The following DSCAML1 variants were observed in gnomAD, a reference collection of about 807,000 sequenced individuals.
The protein encoded by DSCAML1 is DS cell adhesion molecule like 1.
DSCAML1 carries 38 observed loss-of-function variants against 200.5 expected under a neutral mutation model. The observed-to-expected ratio is 0.19, with a 90% CI of 0.15 to 0.25. DSCAML1 has a LOEUF of 0.25. Ranked by LOEUF, DSCAML1 falls within the 10% of genes least tolerant of loss-of-function variation. The pLI is 1.00. For synonymous variants in DSCAML1, 1,215 were observed against 1,165.0 expected (o/e 1.04, Z -0.87); for missense variants, 2,223 against 2,858.8 (o/e 0.78, Z 5.07).
At chr11:117,700,371 A>T (rs2053646009) in intron 3 of DSCAML1, among the ~76,000 whole-genome samples, 1 of 152,132 alleles carries the variant, frequency 6.6e-6, no homozygotes, top group South Asian at 2.1e-4. Context: ...ACCACACCAC[A>T]TCACATCCTA....
At chr11:117,737,546 C>G (rs1013274567) in intron 3 of DSCAML1, among the ~76,000 whole-genome samples, 1 of 152,194 alleles carries the variant, frequency 6.6e-6, no homozygotes, top group Non-Finnish European at 1.5e-5. Flanking sequence ...CTACAGAGCA[C>G]CAACATGCTG....
At chr11:117,545,292 G>A (rs2050352055) in intron 3 of DSCAML1, among the ~76,000 whole-genome samples, 1 of 151,412 alleles carries the variant, frequency 6.6e-6, no homozygotes, top group African/African-American at 2.4e-5. Context: ...ACAGAGAAAA[G>A]GCCATGTGAG....
intron 1 of DSCAML1, among the ~76,000 whole-genome samples, chr11:117,783,222 GC>G (rs1476969294): frequency 1.3e-5 from 2 of 152,180 alleles, no homozygotes; most frequent in Non-Finnish European, 2.9e-5. Flanking sequence ...GGTCCTGGGT[GC>G]CTCCTGAGAA....
intron 8 of DSCAML1, among the ~76,000 whole-genome samples, chr11:117,512,783 A>C (rs1477814278): frequency 2.0e-5 from 3 of 149,418 alleles, no homozygotes; most frequent in African/African-American, 7.4e-5. Context: ...ACACACACAC[A>C]CACACACACA....
At chr11:117,547,151 C>T (rs1360200101) in intron 3 of DSCAML1, among the ~76,000 whole-genome samples, 1 of 152,120 alleles carries the variant, frequency 6.6e-6, no homozygotes, top group African/African-American at 2.4e-5. Flanking sequence ...TCTTTATTCC[C>T]GGCCCTCGTC....
At chr11:117,786,498 C>T (rs1234274527) in intron 1 of DSCAML1, among the ~76,000 whole-genome samples, 1 of 152,168 alleles carries the variant, frequency 6.6e-6, no homozygotes, top group Non-Finnish European at 1.5e-5. Context: ...ACTCGCTCGC[C>T]CTCCACCGCT....
Position 117,766,372 on chromosome 11 carries a change from C to A in DSCAML1, c.511+10419G>T, listed in dbSNP as rs143248677. Among the ~76,000 whole-genome samples the A allele has an allele frequency of 4.5e-3, 682 of 152,292 alleles. 2 individuals carry two copies. The highest frequency in any genetic ancestry group is 0.016 in the African/African-American group (657 of 41,546). On this transcript the variant is annotated intron_variant, in intron 3 of 32. Transcript: ENST00000651296. ...TGCATGTTTGCGATGAGATTGAGAACTAAAGCAAGATTGATTTTGATGTGA... is the reference window on the plus strand; with the variant it reads ...TGCATGTTTGCGATGAGATTGAGAAATAAAGCAAGATTGATTTTGATGTGA...
At chr11:117,464,711 GAGCA>G (rs2048545124) in intron 17 of DSCAML1, among the ~76,000 whole-genome samples, 1 of 152,200 alleles carries the variant, frequency 6.6e-6, no homozygotes, top group South Asian at 2.1e-4. Context: ...GAGACCGGAT[GAGCA>G]CAGCATCGGT....
chr11:117,553,735 CA>C (rs959259138), intron 3 of DSCAML1, among the ~76,000 whole-genome samples: 11 of 152,048 alleles, frequency 7.2e-5, no homozygotes, highest in East Asian at 1.9e-4. Context: ...GATGGCTCCT[CA>C]AAAAAAATGA....
intron 3 of DSCAML1, among the ~76,000 whole-genome samples, chr11:117,753,457 A>G (rs1271018650): frequency 1.3e-5 from 2 of 152,176 alleles, no homozygotes; most frequent in Non-Finnish European, 1.5e-5. Flanking sequence ...AACCTGTGCT[A>G]TAAGTGTTGT....
intron 3 of DSCAML1, among the ~76,000 whole-genome samples, chr11:117,603,174 C>G (rs556862004): frequency 6.6e-6 from 1 of 152,342 alleles, no homozygotes; most frequent in Admixed American, 6.5e-5. Context: ...GGAACTGACA[C>G]AGAGTCTCCC....
At chr11:117,482,672 G>A (rs539241038) in intron 11 of DSCAML1, among the ~76,000 whole-genome samples, 30 of 152,130 alleles carry the variant, frequency 2.0e-4, no homozygotes, top group Non-Finnish European at 3.2e-4. Context: ...GAGCATATCC[G>A]AGGATTTCTG....
chr11:117,740,506 T>C (rs963157907), intron 3 of DSCAML1, among the ~76,000 whole-genome samples: 1 of 152,168 alleles, frequency 6.6e-6, no homozygotes, highest in Non-Finnish European at 1.5e-5. Flanking sequence ...TGTCTCACAC[T>C]GAAAGTCTTC....
intron 3 of DSCAML1, among the ~76,000 whole-genome samples, chr11:117,735,038 C>A (rs552487625): frequency 1.4e-3 from 213 of 152,288 alleles, no homozygotes; most frequent in African/African-American, 4.7e-3. Context: ...GAGAGTCCCT[C>A]ACAGCCCTTG....
At chr11:117,450,128 G>T in intron 20 of DSCAML1, among the ~76,000 whole-genome samples, 1 of 152,318 alleles carries the variant, frequency 6.6e-6, no homozygotes, top group South Asian at 2.1e-4. Context: ...ATGTGGAGGC[G>T]CTTATGCAGG....
intron 3 of DSCAML1, among the ~76,000 whole-genome samples, chr11:117,717,975 T>C (rs892122927): frequency 4.6e-5 from 7 of 152,090 alleles, no homozygotes; most frequent in Non-Finnish European, 7.4e-5. Flanking sequence ...GGCATTTACA[T>C]AGCAAACAAC....
intron 32 of DSCAML1, among the ~76,000 whole-genome samples, chr11:117,429,241 T>TA (rs1390592988): frequency 6.6e-6 from 1 of 152,108 alleles, no homozygotes; most frequent in Non-Finnish European, 1.5e-5. Context: ...AGGAAAGGAA[T>TA]ATCATTCCCT....
chr11:117,650,448 T>C (rs2052607369), intron 3 of DSCAML1, among the ~76,000 whole-genome samples: 1 of 152,196 alleles, frequency 6.6e-6, no homozygotes, highest in African/African-American at 2.4e-5. Flanking sequence ...CCTGAAGAGA[T>C]GCAGCTGCGG....
intron 14 of DSCAML1, among the ~76,000 whole-genome samples, chr11:117,477,301 T>C (rs565039109): frequency 1.5e-4 from 22 of 150,548 alleles, no homozygotes; most frequent in African/African-American, 5.4e-4. Context: ...CTAATACAGT[T>C]TGTGGCATAT....
Sources: allele counts gnomAD v4.1 joint callset (sites outside exome capture counted in the v4.1 genomes callset), GRCh38; gene constraint gnomAD v4.1.1; transcripts MANE v1.5; gene names NCBI Gene and HGNC (gene_info 2026-07-23, HGNC 2026-07-21).